Variants in ADRB1 observed in about 807,000 individuals in gnomAD.
The protein encoded by ADRB1 is adrenoceptor beta 1, also known as beta-1 adrenergic receptor.
For missense variants in ADRB1, 635 were observed against 709.1 expected (o/e 0.90, Z 1.19); for synonymous variants, 365 against 347.2 (o/e 1.05, Z -0.57).
In ADRB1 at chr10:114,045,496, C is replaced by T; in HGVS notation, c.1364C>T (p.Ala455Val). 7.8e-7 allele frequency: 1 copy of T among 1,289,716 alleles called. No individual in the cohort carries two copies. The highest frequency in any genetic ancestry group is 9.8e-7 in the Non-Finnish European group (1 of 1,017,434). 79.9% of individuals were successfully genotyped at this position (1,289,716 alleles called of 1,614,324 possible). Reference protein sequence around the residue: ...LEPWAGCNGGAAADSDSSLDE... With the variant: ...LEPWAGCNGGVAADSDSSLDE... The stretch of plus-strand genomic sequence containing the variant: ...CCCTGGGCCGGCTGCAACGGCGGGG[C>T]GGCGGCGGACAGCGACTCGAGCCTG... The change falls in exon 1 of 1, where the codon GCG becomes GTG. Residue 455 changes from alanine (A) to valine (V), a missense_variant. Transcript: ENST00000369295.
Position 114,043,993 on chromosome 10 carries a change from A to T in ADRB1, c.-140A>T. 1 of 611,046 alleles carries T rather than the reference A, an allele frequency of 1.6e-6. No individual in the cohort carries two copies. The highest frequency in any genetic ancestry group is 2.2e-6 in the Non-Finnish European group (1 of 445,436). 37.9% of individuals were successfully genotyped at this position (611,046 alleles called of 1,614,324 possible). ...CCTGCGGGAAAGGCGCCCGGCGCCC[A>T]TGCCTCCGGCCCCGCGCCGCGGCTG... On this transcript the variant is annotated 5_prime_UTR_variant, in exon 1 of 1. It removes an upstream start codon present in the reference 5' UTR. Transcript: ENST00000369295.
chr10:114,045,405 G>A lies in ADRB1; in HGVS notation c.1273G>A (p.Gly425Arg). 8.1e-7 allele frequency: 1 copy of A among 1,239,224 alleles called. No individual in the cohort carries two copies. Among genetic ancestry groups the A allele is most frequent in the Non-Finnish European group, 1.0e-6 (1 of 989,936 alleles). The allele number at this position is 1,239,224 out of a possible 1,614,324, so 76.8% of individuals were successfully genotyped here. A position where few individuals can be genotyped will look rare whatever the true frequency, so the allele number is the denominator to read the frequency against. Residue 425 changes from glycine (G) to arginine (R), a missense_variant, in exon 1 of 1, where the codon GGG (glycine) becomes AGG (arginine). By Grantham distance (125) the Gly-to-Arg change is moderately radical. Coordinates refer to ENST00000369295, the MANE Select transcript of ADRB1 (RefSeq NM_000684.3). ...LARPGPPPSP[G>R]AASDDDDDDV... ...CCGGCCCGGACCCCCGCCATCGCCC[G>A]GGGCCGCCTCGGACGACGACGACGA... is the stretch of plus-strand genomic sequence containing the variant.
rs1400729649 is a variant in ADRB1, at chr10:114,046,408, G to A, written c.*842G>A. The A allele has an allele frequency of 1.8e-5, 3 of 167,144 alleles. No homozygotes were observed. Among genetic ancestry groups the A allele is most frequent in the Admixed American group, 6.5e-5 (1 of 15,300 alleles). 10.4% of individuals were successfully genotyped at this position (167,144 alleles called of 1,614,324 possible). ...ATGTGACTCTGTCAATTGAAGACAG[G>A]ACATTAAAAGAGAGCGAGAGAGAGA... On this transcript the variant is annotated 3_prime_UTR_variant, in exon 1 of 1. Coordinates refer to ENST00000369295, the MANE Select transcript of ADRB1 (RefSeq NM_000684.3).
Position 114,045,527 on chromosome 10 carries a change from G to A in ADRB1, c.1395G>A (p.Glu465=), listed in dbSNP as rs757521727. The A allele has an allele frequency of 5.5e-5, 72 of 1,308,588 alleles. No homozygotes were observed. The highest frequency in any genetic ancestry group is 1.2e-5 in the Non-Finnish European group (12 of 1,025,234). 81.1% of individuals were successfully genotyped at this position (1,308,588 alleles called of 1,614,324 possible). A position where few individuals can be genotyped will look rare whatever the true frequency, so the allele number is the denominator to read the frequency against. ...AAADSDSSLD[E]PCRPGFASES... ...CGGACAGCGACTCGAGCCTGGACGA[G>A]CCGTGCCGCCCCGGCTTCGCCTCGG... Residue 465 remains glutamate, a synonymous_variant, in exon 1 of 1, where the codon GAG becomes GAA. Transcript: ENST00000369295.
In ADRB1 at chr10:114,045,430, A is replaced by ACGG. The variant is rs1261820615; in HGVS notation, c.1300_1301insGCG (p.Asp433_Asp434insGly). 6 of 1,243,240 alleles carry ACGG rather than the reference A, an allele frequency of 4.8e-6. No homozygotes were observed. In the Admixed American group the frequency reaches 1.3e-4, roughly 27 times the overall value. 77.0% of individuals were successfully genotyped at this position (1,243,240 alleles called of 1,614,324 possible). On this transcript the variant is annotated inframe_insertion, in exon 1 of 1. Transcript: ENST00000369295. ...GGGGCCGCCTCGGACGACGACGACG[A>ACGG]CGATGTCGTCGGGGCCACGCCGCCC...
Position 114,043,996 on chromosome 10 carries a change from C to T in ADRB1, c.-137C>T. The T allele has an allele frequency of 1.6e-6, 1 of 641,660 alleles. No homozygotes were observed. The highest frequency in any genetic ancestry group is 2.1e-6 in the Non-Finnish European group (1 of 472,724). The allele number at this position is 641,660 out of a possible 1,614,324, so 39.7% of individuals were successfully genotyped here. On this transcript the variant is annotated 5_prime_UTR_variant, in exon 1 of 1. Coordinates refer to ENST00000369295, the MANE Select transcript of ADRB1 (RefSeq NM_000684.3). Reference sequence around the variant, plus strand: ...GCGGGAAAGGCGCCCGGCGCCCATGCCTCCGGCCCCGCGCCGCGGCTGCCC... The same window carrying T: ...GCGGGAAAGGCGCCCGGCGCCCATGTCTCCGGCCCCGCGCCGCGGCTGCCC...
In ADRB1 at chr10:114,044,393, G is replaced by A. The variant is rs1459888017; in HGVS notation, c.261G>A (p.Pro87=). 1 of 1,611,008 alleles carries A rather than the reference G, an allele frequency of 6.2e-7. No homozygotes were observed. Among genetic ancestry groups the A allele is most frequent in the Non-Finnish European group, 8.5e-7 (1 of 1,179,856 alleles). The change falls in exon 1 of 1, where the codon CCG becomes CCA. Residue 87 remains proline (P), a synonymous_variant. Coordinates refer to ENST00000369295, the MANE Select transcript of ADRB1 (RefSeq NM_000684.3). The surrounding 1 kb of genome is among the most constrained non-coding windows in gnomAD (Gnocchi z 7.8). The part of the protein sequence containing the change: ...VLVIVAIAKT[P]RLQTLTNLFI... ...TGATCGTGGCCATCGCCAAGACGCC[G>A]CGGCTGCAGACGCTCACCAACCTCT...
rs1847520660 is a variant in ADRB1, at chr10:114,043,918, A to AGCAGCG, written c.-212_-207dup. On this transcript the variant is annotated 5_prime_UTR_variant, in exon 1 of 1. Transcript: ENST00000369295. Reference sequence around the variant, plus strand: ...TTCCAGCAGCGGCAGCGGCTCCAGCAGCAGCGGCGGCGGCGGCGGCGGCGG... The same window carrying AGCAGCG: ...TTCCAGCAGCGGCAGCGGCTCCAGCAGCAGCGGCAGCGGCGGCGGCGGCGGCGGCGG... 1.3e-5 allele frequency: 3 copies of AGCAGCG among 233,216 alleles called. No homozygotes were observed. Among genetic ancestry groups the AGCAGCG allele is most frequent in the East Asian group, 1.3e-4 (1 of 7,928 alleles). The allele number at this position is 233,216 out of a possible 1,614,324, so 14.4% of individuals were successfully genotyped here. A position where few individuals can be genotyped will look rare whatever the true frequency, so the allele number is the denominator to read the frequency against.
In ADRB1 at chr10:114,044,822, A is replaced by C. The variant is rs556192034; in HGVS notation, c.690A>C (p.Val230=). Residue 230 remains valine (V), a synonymous_variant, in exon 1 of 1, where the codon GTA becomes GTC. Transcript: ENST00000369295. The surrounding 1 kb of genome is among the most constrained non-coding windows in gnomAD (Gnocchi z 7.8). ...GGGCCTACGCCATCGCCTCGTCCGT[A>C]GTCTCCTTCTACGTGCCCCTGTGCA... ...TNRAYAIASS[V]VSFYVPLCIM... 2.5e-6 allele frequency: 4 copies of C among 1,613,850 alleles called. No individual in the cohort carries two copies. The East Asian group carries it at 8.9e-5, about 36-fold the overall frequency.
chr10:114,044,137 G>T lies in ADRB1; in HGVS notation c.5G>T (p.Gly2Val). 7.6e-7 allele frequency: 1 copy of T among 1,309,882 alleles called. No individual in the cohort carries two copies. The highest frequency in any genetic ancestry group is 2.2e-5 in the South Asian group (1 of 44,728). The allele number at this position is 1,309,882 out of a possible 1,614,324, so 81.1% of individuals were successfully genotyped here. A position where few individuals can be genotyped will look rare whatever the true frequency, so the allele number is the denominator to read the frequency against. The change falls in exon 1 of 1, where the codon GGC (glycine) becomes GTC (valine). Residue 2 changes from glycine to valine, a missense_variant. Transcript: ENST00000369295. This position sits in a 1 kb window ranked among gnomAD's most constrained non-coding sequence, Gnocchi z 7.8. M[G>V]AGVLVLGASE... ...CCCCGGCCTCCGCAGCTCGGCATGGGCGCGGGGGTGCTCGTCCTGGGCGCC... is the reference window on the plus strand; with the variant it reads ...CCCCGGCCTCCGCAGCTCGGCATGGTCGCGGGGGTGCTCGTCCTGGGCGCC...
In ADRB1 at chr10:114,043,953, C is replaced by T. The variant is rs1459713307; in HGVS notation, c.-180C>T. 5.9e-6 allele frequency: 2 copies of T among 340,536 alleles called. No homozygotes were observed. Among genetic ancestry groups the T allele is most frequent in the Non-Finnish European group, 9.3e-6 (2 of 215,050 alleles). The allele number at this position is 340,536 out of a possible 1,614,324, so 21.1% of individuals were successfully genotyped here. A position where few individuals can be genotyped will look rare whatever the true frequency, so the allele number is the denominator to read the frequency against. On this transcript the variant is annotated 5_prime_UTR_variant, in exon 1 of 1. An upstream open reading frame in the 5' UTR gains an earlier in-frame stop. Transcript: ENST00000369295. ...GCGGCGGCGGCGGCGGCAGCGGCAG[C>T]GACAGCGCTCGGCTCCTGCGGGAAA...
Position 114,046,337 on chromosome 10 carries a change from A to G in ADRB1, c.*771A>G, listed in dbSNP as rs977003328. The G allele has an allele frequency of 2.8e-4, 46 of 167,104 alleles. No individual in the cohort carries two copies. Among genetic ancestry groups the G allele is most frequent in the Non-Finnish European group, 5.4e-4 (37 of 68,114 alleles). The allele number at this position is 167,104 out of a possible 1,614,324, so 10.4% of individuals were successfully genotyped here. Reference sequence around the variant, plus strand: ...TTTATATTAAACAGCTTATTTATGTATCAATATTAGTTGGAAGGACCAGGC... The same window carrying G: ...TTTATATTAAACAGCTTATTTATGTGTCAATATTAGTTGGAAGGACCAGGC... On this transcript the variant is annotated 3_prime_UTR_variant, in exon 1 of 1. Coordinates refer to ENST00000369295, the MANE Select transcript of ADRB1 (RefSeq NM_000684.3).
chr10:114,044,037 C>A lies in ADRB1; in HGVS notation c.-96C>A. The A allele has an allele frequency of 9.6e-7, 1 of 1,043,514 alleles. No individual in the cohort carries two copies. The highest frequency in any genetic ancestry group is 4.7e-5 in the South Asian group (1 of 21,406). 64.6% of individuals were successfully genotyped at this position (1,043,514 alleles called of 1,614,324 possible). A position where few individuals can be genotyped will look rare whatever the true frequency, so the allele number is the denominator to read the frequency against. ...GCGGCTGCCCTGACCCGGCCGCGACCTCCCTCTGCGCACCACGCCGCCCGG... is the reference window on the plus strand; with the variant it reads ...GCGGCTGCCCTGACCCGGCCGCGACATCCCTCTGCGCACCACGCCGCCCGG... On this transcript the variant is annotated 5_prime_UTR_variant, in exon 1 of 1. Coordinates refer to ENST00000369295, the MANE Select transcript of ADRB1 (RefSeq NM_000684.3). The surrounding 1 kb of genome is among the most constrained non-coding windows in gnomAD (Gnocchi z 7.8).
In ADRB1 at chr10:114,044,155, T is replaced by C. The variant is rs1298730544; in HGVS notation, c.23T>C (p.Leu8Pro). Residue 8 changes from leucine (L) to proline (P), a missense_variant, in exon 1 of 1, where the codon CTG (leucine) becomes CCG (proline). Leu to Pro is a moderately conservative substitution (Grantham distance 98). Coordinates refer to ENST00000369295, the MANE Select transcript of ADRB1 (RefSeq NM_000684.3). This position sits in a 1 kb window ranked among gnomAD's most constrained non-coding sequence, Gnocchi z 7.8. Reference sequence around the variant, plus strand: ...GGCATGGGCGCGGGGGTGCTCGTCCTGGGCGCCTCCGAGCCCGGTAACCTG... The same window carrying C: ...GGCATGGGCGCGGGGGTGCTCGTCCCGGGCGCCTCCGAGCCCGGTAACCTG... MGAGVLV[L>P]GASEPGNLSS... The C allele has an allele frequency of 3.7e-6, 5 of 1,336,790 alleles. No homozygotes were observed. The highest frequency in any genetic ancestry group is 8.3e-5 in the Admixed American group (2 of 24,106). The allele number at this position is 1,336,790 out of a possible 1,614,324, so 82.8% of individuals were successfully genotyped here. A position where few individuals can be genotyped will look rare whatever the true frequency, so the allele number is the denominator to read the frequency against.
At position 114,044,852 on chromosome 10, in the gene ADRB1, G is replaced by T; in HGVS notation, c.720G>T (p.Met240Ile). The T allele has an allele frequency of 6.2e-7, 1 of 1,613,678 alleles. No homozygotes were observed. The highest frequency in any genetic ancestry group is 8.5e-7 in the Non-Finnish European group (1 of 1,179,870). ...CCTTCTACGTGCCCCTGTGCATCAT[G>T]GCCTTCGTGTACCTGCGGGTGTTCC... is the stretch of plus-strand genomic sequence containing the variant. ...VVSFYVPLCI[M>I]AFVYLRVFRE... Residue 240 changes from methionine (M) to isoleucine (I), a missense_variant, in exon 1 of 1, where the codon ATG becomes ATT. By Grantham distance (10) the Met-to-Ile change is conservative. Coordinates refer to ENST00000369295, the MANE Select transcript of ADRB1 (RefSeq NM_000684.3). The surrounding 1 kb of genome is among the most constrained non-coding windows in gnomAD (Gnocchi z 7.8).
At position 114,043,954 on chromosome 10, in the gene ADRB1, G is replaced by T. The variant is rs573648222; in HGVS notation, c.-179G>T. The T allele has an allele frequency of 3.2e-5, 11 of 347,890 alleles. No homozygotes were observed. Among genetic ancestry groups the T allele is most frequent in the African/African-American group, 1.5e-4 (7 of 45,418 alleles). 21.6% of individuals were successfully genotyped at this position (347,890 alleles called of 1,614,324 possible). A position where few individuals can be genotyped will look rare whatever the true frequency, so the allele number is the denominator to read the frequency against. On this transcript the variant is annotated 5_prime_UTR_variant, in exon 1 of 1. Coordinates refer to ENST00000369295, the MANE Select transcript of ADRB1 (RefSeq NM_000684.3). ...CGGCGGCGGCGGCGGCAGCGGCAGCGACAGCGCTCGGCTCCTGCGGGAAAG... is the reference window on the plus strand; with the variant it reads ...CGGCGGCGGCGGCGGCAGCGGCAGCTACAGCGCTCGGCTCCTGCGGGAAAG...
In ADRB1 at chr10:114,044,035, A is replaced by T; in HGVS notation, c.-98A>T. 1.0e-6 allele frequency: 1 copy of T among 999,114 alleles called. No individual in the cohort carries two copies. Among genetic ancestry groups the T allele is most frequent in the East Asian group, 3.9e-5 (1 of 25,386 alleles). 61.9% of individuals were successfully genotyped at this position (999,114 alleles called of 1,614,324 possible). ...CCGCGGCTGCCCTGACCCGGCCGCG[A>T]CCTCCCTCTGCGCACCACGCCGCCC... On this transcript the variant is annotated 5_prime_UTR_variant, in exon 1 of 1. Transcript: ENST00000369295. This position sits in a 1 kb window ranked among gnomAD's most constrained non-coding sequence, Gnocchi z 7.8.
In ADRB1 at chr10:114,045,420, G is replaced by C; in HGVS notation, c.1288G>C (p.Asp430His). ...GCCATCGCCCGGGGCCGCCTCGGACGACGACGACGACGATGTCGTCGGGGC... is the reference window on the plus strand; with the variant it reads ...GCCATCGCCCGGGGCCGCCTCGGACCACGACGACGACGATGTCGTCGGGGC... ...PPPSPGAASD[D>H]DDDDVVGATP... The change falls in exon 1 of 1, where the codon GAC (aspartate) becomes CAC (histidine). Residue 430 changes from aspartate (D) to histidine (H), a missense_variant. By Grantham distance (81) the Asp-to-His change is moderately conservative. Coordinates refer to ENST00000369295, the MANE Select transcript of ADRB1 (RefSeq NM_000684.3). 3 of 1,239,028 alleles carry C rather than the reference G, an allele frequency of 2.4e-6. No individual in the cohort carries two copies. The highest frequency in any genetic ancestry group is 3.0e-6 in the Non-Finnish European group (3 of 990,050). The allele number at this position is 1,239,028 out of a possible 1,614,324, so 76.8% of individuals were successfully genotyped here. A position where few individuals can be genotyped will look rare whatever the true frequency, so the allele number is the denominator to read the frequency against.
At position 114,045,965 on chromosome 10, in the gene ADRB1, G is replaced by A. The variant is rs182255881; in HGVS notation, c.*399G>A. 124 of 171,470 alleles carry A rather than the reference G, an allele frequency of 7.2e-4. No homozygotes were observed. Among genetic ancestry groups the A allele is most frequent in the African/African-American group, 2.8e-3 (117 of 41,642 alleles). 10.6% of individuals were successfully genotyped at this position (171,470 alleles called of 1,614,324 possible). ...GGGGAAGGGAGAAGCATTAGGAGGG[G>A]ATTAAAATCGATCATCGTGGCTCCC... On this transcript the variant is annotated 3_prime_UTR_variant, in exon 1 of 1. Transcript: ENST00000369295.
Sources: allele counts gnomAD v4.1 joint callset, GRCh38; gene constraint gnomAD v4.1.1; non-coding constraint Gnocchi (gnomAD v3.1); transcripts MANE v1.5; gene names NCBI Gene and HGNC (gene_info 2026-07-23, HGNC 2026-07-21).